UBE2E2: variants seen among roughly 807,000 people sequenced by gnomAD.
UBE2E2 encodes ubiquitin conjugating enzyme E2 E2.
Under a neutral mutation model 24.7 loss-of-function variants are expected in UBE2E2, and 6 were observed. The ratio of observed to expected loss-of-function variants is 0.24; its 90% CI spans 0.13 to 0.48. The LOEUF (loss-of-function observed/expected upper bound fraction) is 0.48. Among genes scored for constraint, UBE2E2 ranks in the 20% least tolerant of loss-of-function variants. The pLI, the probability that UBE2E2 is intolerant of heterozygous loss-of-function variation, is 0.99. For missense variants in UBE2E2, 169 were observed against 245.0 expected (o/e 0.69, Z 2.07); for synonymous variants, 104 against 83.6 (o/e 1.24, Z -1.33).
intron 3 of UBE2E2, among the ~76,000 whole-genome samples, chr3:23,341,344 CA>C (rs138478551): frequency 0.041 from 6,215 of 152,170 alleles, 435 homozygotes; most frequent in African/African-American, 0.14. Flanking sequence ...ATCTTATCCA[CA>C]TTGTGTGGAT....
chr3:23,413,923 C>T (rs1697558448), intron 3 of UBE2E2, among the ~76,000 whole-genome samples: 2 of 152,154 alleles, frequency 1.3e-5, no homozygotes, highest in Admixed American at 1.3e-4. Context: ...ATATATTTAT[C>T]GTTATTACTA....
intron 3 of UBE2E2, among the ~76,000 whole-genome samples, chr3:23,328,124 T>C (rs1170925521): frequency 6.6e-6 from 1 of 152,174 alleles, no homozygotes; most frequent in Non-Finnish European, 1.5e-5. Flanking sequence ...TGAAAATCAA[T>C]GCAACATTTC....
chr3:23,410,932 C>G (rs1175418432), intron 3 of UBE2E2, among the ~76,000 whole-genome samples: 1 of 152,124 alleles, frequency 6.6e-6, no homozygotes, highest in Non-Finnish European at 1.5e-5. Flanking sequence ...GACAGACTTT[C>G]TCCTTACTTT....
rs1694878031 is a variant in UBE2E2 at position 23,521,955 on chromosome 3, A to ATTT, written c.361-10599_361-10598insTTT. On this transcript the variant is annotated intron_variant, in intron 4 of 5. Transcript: ENST00000396703. ...GTGCTTAATGAATTAAAGCAGTGTG[A>ATTT]ATGTTTAAATGATTATTTGTGTACC... 2.9e-5 allele frequency among the ~76,000 whole-genome samples: 4 copies of ATTT among 135,890 alleles called. No homozygotes were observed. In the Admixed American group the frequency reaches 3.1e-4, roughly 11 times the overall value. The allele number at this position is 135,890 out of a possible 152,430, so 89.1% of individuals were successfully genotyped here. A position where few individuals can be genotyped will look rare whatever the true frequency, so the allele number is the denominator to read the frequency against.
intron 5 of UBE2E2, among the ~76,000 whole-genome samples, chr3:23,559,143 G>T (rs1037065487): frequency 1.3e-5 from 2 of 152,124 alleles, no homozygotes; most frequent in Admixed American, 6.6e-5. Flanking sequence ...ATGAAATTAA[G>T]CACTGAAGCT....
At chr3:23,268,997 CA>C (rs1211662439) in intron 3 of UBE2E2, among the ~76,000 whole-genome samples, 1 of 151,764 alleles carries the variant, frequency 6.6e-6, no homozygotes, top group Non-Finnish European at 1.5e-5. Context: ...ACTGGCTAGC[CA>C]TATGTAGAAA....
At chr3:23,260,641 C>T (rs566598513) in intron 3 of UBE2E2, among the ~76,000 whole-genome samples, 1 of 151,986 alleles carries the variant, frequency 6.6e-6, no homozygotes, top group African/African-American at 2.4e-5. Context: ...AGTAAAACCC[C>T]ATCTCTACAA....
intron 3 of UBE2E2, among the ~76,000 whole-genome samples, chr3:23,358,086 T>C (rs1384496786): frequency 6.6e-6 from 1 of 152,178 alleles, no homozygotes. Context: ...TCAGCCTGCC[T>C]TGGCCTCCCA....
chr3:23,479,647 A>G (rs1459095681), intron 3 of UBE2E2, among the ~76,000 whole-genome samples: 1 of 152,176 alleles, frequency 6.6e-6, no homozygotes, highest in African/African-American at 2.4e-5. Flanking sequence ...GATTCGGACA[A>G]CTGGAGGGTG....
intron 3 of UBE2E2, among the ~76,000 whole-genome samples, chr3:23,448,512 G>A (rs1264647472): frequency 6.6e-6 from 1 of 152,140 alleles, no homozygotes; most frequent in African/African-American, 2.4e-5. Flanking sequence ...TGAGGATTCT[G>A]ATTGGAAGCT....
At chr3:23,405,574 A>G (rs929706837) in intron 3 of UBE2E2, among the ~76,000 whole-genome samples, 3 of 152,134 alleles carry the variant, frequency 2.0e-5, no homozygotes, top group Admixed American at 6.6e-5. Context: ...AGAATTCTAA[A>G]AAGTCACTCA....
rs138450119 is a variant in UBE2E2 at position 23,281,557 on chromosome 3, G to C, written c.227+64245G>C. On this transcript the variant is annotated intron_variant, in intron 3 of 5. Coordinates refer to ENST00000396703, the MANE Select transcript of UBE2E2 (RefSeq NM_152653.4). ...AGAGGCTGAGGTGGGAGGATTGCCTGAGCCCAGGAGTTGTAGGCTGCAGTG... is the reference window on the plus strand; with the variant it reads ...AGAGGCTGAGGTGGGAGGATTGCCTCAGCCCAGGAGTTGTAGGCTGCAGTG... Among the ~76,000 whole-genome samples the C allele has an allele frequency of 2.3e-3, 345 of 152,328 alleles. 3 individuals are homozygous for C. The highest frequency in any genetic ancestry group is 7.9e-3 in the African/African-American group (329 of 41,578).
chr3:23,357,250 T>G (rs1695982318), intron 3 of UBE2E2, among the ~76,000 whole-genome samples: 1 of 152,212 alleles, frequency 6.6e-6, no homozygotes, highest in Non-Finnish European at 1.5e-5. Flanking sequence ...TTGTGGTGAT[T>G]ATTGATTTCT....
At chr3:23,548,286 T>C (rs1695568483) in intron 5 of UBE2E2, among the ~76,000 whole-genome samples, 1 of 152,230 alleles carries the variant, frequency 6.6e-6, no homozygotes, top group Admixed American at 6.5e-5. Context: ...TTTTACACAT[T>C]TTTCTTACTC....
At chr3:23,320,752 T>TTAG (rs1424340717) in intron 3 of UBE2E2, among the ~76,000 whole-genome samples, 1 of 152,186 alleles carries the variant, frequency 6.6e-6, no homozygotes, top group Non-Finnish European at 1.5e-5. Flanking sequence ...TATTGTGGCT[T>TTAG]TAGCTGGACT....
In UBE2E2 at chr3:23,428,042, C is replaced by T. The variant is rs1697969215; in HGVS notation, c.228-71566C>T. 2.6e-5 allele frequency among the ~76,000 whole-genome samples: 4 copies of T among 152,146 alleles called. No individual in the cohort carries two copies. In the South Asian group the frequency reaches 8.3e-4, roughly 32 times the overall value. ...AGAAAATTAGTGAGGACATAGTTGA[C>T]CTCAACAGAATCATCAGTCAGTTGA... On this transcript the variant is annotated intron_variant, in intron 3 of 5. Transcript: ENST00000396703.
chr3:23,427,486 G>A (rs1697954608), intron 3 of UBE2E2, among the ~76,000 whole-genome samples: 1 of 151,962 alleles, frequency 6.6e-6, no homozygotes, highest in African/African-American at 2.4e-5. Context: ...GAAAAGGAGT[G>A]AAAGTAAAAA....
At chr3:23,541,474 T>C (rs1695396041) in intron 5 of UBE2E2, among the ~76,000 whole-genome samples, 1 of 152,246 alleles carries the variant, frequency 6.6e-6, no homozygotes, top group African/African-American at 2.4e-5. Context: ...GAATTTTTCA[T>C]GTCATATTGG....
chr3:23,238,719 T>C (rs1697180919), intron 3 of UBE2E2, among the ~76,000 whole-genome samples: 1 of 152,158 alleles, frequency 6.6e-6, no homozygotes, highest in Admixed American at 6.5e-5. Context: ...ATGAAATGCA[T>C]TTATGTTTCT....
Sources: gnomAD v4.1 joint callset for allele counts (sites outside exome capture counted in the v4.1 genomes callset) on GRCh38, gnomAD v4.1.1 for gene constraint, MANE v1.5 for transcripts, NCBI Gene and HGNC (gene_info 2026-07-23, HGNC 2026-07-21) for gene names.